Variants in DOCK8 observed in about 807,000 individuals in gnomAD.
The protein encoded by DOCK8 is dedicator of cytokinesis protein 8.
In DOCK8, 141 loss-of-function variants were observed where a neutral mutation model predicts 245.6. The ratio of observed to expected loss-of-function variants is 0.57; its 90% CI spans 0.50 to 0.66. The LOEUF (loss-of-function observed/expected upper bound fraction) is 0.66, where lower values mean the gene tolerates loss of function less well. Among genes scored for constraint, DOCK8 ranks in the 30% least tolerant of loss-of-function variants. The probability of loss-of-function intolerance (pLI) is 0.00; values close to 1 mark genes in which losing one functional copy is unlikely to be tolerated. For missense variants in DOCK8, 2,965 were observed against 2,603.4 expected (o/e 1.14, Z -3.02); for synonymous variants, 1,168 against 970.2 (o/e 1.20, Z -3.79).
At position 420,405 on chromosome 9, in the gene DOCK8, A is replaced by G. The variant is rs539908137; in HGVS notation, c.3845A>G (p.Tyr1282Cys). The G allele has an allele frequency of 1.2e-5, 20 of 1,614,136 alleles. No individual in the cohort carries two copies. In the East Asian group the frequency reaches 1.8e-4, roughly 14 times the overall value. Residue 1282 changes from tyrosine to cysteine, a missense_variant, in exon 31 of 48, where the codon TAT becomes TGT. Tyr to Cys is a radical substitution (Grantham distance 194). Around this residue, in one of 3 missense-constraint regions of DOCK8, gnomAD observed 2,825 missense variants for 2,453.5 expected, o/e 1.15. Coordinates refer to ENST00000432829, the MANE Select transcript of DOCK8 (RefSeq NM_203447.4). ...TSGIVLSSLP[Y>C]KQYNMLNADT... is the part of the protein sequence containing the mutation. ...CCCCAATCTGCCTCCCTTCAGCCCT[A>G]TAAGCAGTACAACATGCTGAACGCG... is the stretch of plus-strand genomic sequence containing the variant.
chr9:462,707 C>T (rs2057843930), intron 46 of DOCK8, among the ~76,000 whole-genome samples: 1 of 152,186 alleles, frequency 6.6e-6, no homozygotes, highest in African/African-American at 2.4e-5. Context: ...CCTGGTGTTC[C>T]CCTTTCTCTT....
At chr9:230,301 C>CTTT (rs200079221) in intron 1 of DOCK8, among the ~76,000 whole-genome samples, 1 of 151,188 alleles carries the variant, frequency 6.6e-6, no homozygotes, top group African/African-American at 2.4e-5. Context: ...TCCAGTCTAT[C>CTTT]GTTGGGCATT....
At chr9:400,577 T>A (rs140954591) in intron 26 of DOCK8, among the ~76,000 whole-genome samples, 301 of 39,832 alleles carry the variant, frequency 7.6e-3, no homozygotes, top group Middle Eastern at 0.014. Context: ...CACCACCACC[T>A]CCACCATCAC....
chr9:404,770 A>G, intron 26 of DOCK8, 148 bp from the exon 27 acceptor site: 1 of 826,240 alleles, frequency 1.2e-6, no homozygotes, highest in South Asian at 1.5e-5. Context: ...TCTGTAATGC[A>G]GAATTTACCA....
chr9:449,206 T>C (rs1049158108), intron 44 of DOCK8, among the ~76,000 whole-genome samples: 1 of 152,084 alleles, frequency 6.6e-6, no homozygotes, highest in Non-Finnish European at 1.5e-5. Flanking sequence ...CAAAATTATC[T>C]GGGTGTGGTG....
Position 214,944 on chromosome 9 carries a change from C to G in DOCK8, c.-33C>G. ...CCAGGCCCCCGCTTTCCGCACCCCG[C>G]GACCCTAGAAGCCACCGAACCGCCG... On this transcript the variant is annotated 5_prime_UTR_variant, in exon 1 of 48. Transcript: ENST00000432829. The G allele has an allele frequency of 6.2e-7, 1 of 1,604,302 alleles. No individual in the cohort carries two copies. The highest frequency in any genetic ancestry group is 8.5e-7 in the Non-Finnish European group (1 of 1,177,188).
intron 26 of DOCK8, among the ~76,000 whole-genome samples, chr9:403,010 C>T (rs1346704350): frequency 6.6e-6 from 1 of 152,208 alleles, no homozygotes; most frequent in Non-Finnish European, 1.5e-5. Context: ...CTTCCTCACC[C>T]TCCCGAGTAG....
chr9:248,155 G>A (rs1418824310), intron 1 of DOCK8, among the ~76,000 whole-genome samples: 1 of 152,218 alleles, frequency 6.6e-6, no homozygotes, highest in Non-Finnish European at 1.5e-5. Flanking sequence ...CATCTCTGAG[G>A]TGTCACCTGC....
intron 18 of DOCK8, among the ~76,000 whole-genome samples, chr9:373,509 C>T (rs1005266438): frequency 6.6e-6 from 1 of 152,194 alleles, no homozygotes; most frequent in Non-Finnish European, 1.5e-5. Context: ...ATAAGGTCCA[C>T]ACACTGATAT....
rs1242198707 is a variant in DOCK8, at chr9:422,224, C to A, written c.4241+89C>A. The stretch of plus-strand genomic sequence containing the variant: ...CTTGTATTACTGAAACAACTGCATC[C>A]TTCCAAGGGTTAGAAAATGAAACAT... On this transcript the variant is annotated intron_variant, in intron 33 of 47. Coordinates refer to ENST00000432829, the MANE Select transcript of DOCK8 (RefSeq NM_203447.4). 7.6e-6 allele frequency: 8 copies of A among 1,055,530 alleles called. No homozygotes were observed. In the Middle Eastern group the frequency reaches 1.0e-3, roughly 132 times the overall value. 65.4% of individuals were successfully genotyped at this position (1,055,530 alleles called of 1,614,324 possible).
chr9:236,249 G>T (rs1486776410), intron 1 of DOCK8, among the ~76,000 whole-genome samples: 1 of 152,136 alleles, frequency 6.6e-6, no homozygotes, highest in Non-Finnish European at 1.5e-5. Context: ...GAGACAGGAA[G>T]AAGAAAGGAG....
intron 29 of DOCK8, 74 bp downstream of exon 29, chr9:415,025 G>T (rs1029749861): frequency 6.4e-7 from 1 of 1,568,468 alleles, no homozygotes; most frequent in Non-Finnish European, 8.8e-7. Flanking sequence ...TGAGATCTCT[G>T]TCATTCGTTC....
chr9:340,971 C>A (rs1316098604), intron 14 of DOCK8, among the ~76,000 whole-genome samples: 1 of 152,170 alleles, frequency 6.6e-6, no homozygotes, highest in East Asian at 1.9e-4. Context: ...CCAAAATGTG[C>A]TAGTTGTCAA....
chr9:446,743 C>G, intron 44 of DOCK8, 137 bp downstream of exon 44: 1 of 782,232 alleles, frequency 1.3e-6, no homozygotes, highest in South Asian at 1.5e-5. Context: ...TATGGTTGTC[C>G]TTTCACTCTC....
chr9:287,897 G>A (rs1216357856), intron 3 of DOCK8, among the ~76,000 whole-genome samples: 1 of 152,112 alleles, frequency 6.6e-6, no homozygotes, highest in Non-Finnish European at 1.5e-5. Flanking sequence ...ACAGTAGCCA[G>A]TCACCGCAGC....
At chr9:387,959 T>C (rs1275070069) in intron 23 of DOCK8, among the ~76,000 whole-genome samples, 1 of 152,220 alleles carries the variant, frequency 6.6e-6, no homozygotes, top group Non-Finnish European at 1.5e-5. Context: ...GTTTCCTTAA[T>C]ACCTTAGCAG....
At chr9:363,942 T>C (rs899031186) in intron 14 of DOCK8, among the ~76,000 whole-genome samples, 1 of 152,208 alleles carries the variant, frequency 6.6e-6, no homozygotes, top group Non-Finnish European at 1.5e-5. Context: ...ACACAGTCCC[T>C]TTCATCCAGC....
At chr9:318,546 C>A (rs566246387) in intron 7 of DOCK8, among the ~76,000 whole-genome samples, 2 of 152,366 alleles carry the variant, frequency 1.3e-5, no homozygotes, top group East Asian at 1.9e-4. Context: ...CAAGTCTGCT[C>A]ACACAGCTAT....
chr9:356,616 A>G (rs1201015346), intron 14 of DOCK8, among the ~76,000 whole-genome samples: 1 of 151,826 alleles, frequency 6.6e-6, no homozygotes, highest in African/African-American at 2.4e-5. Context: ...CTAAGCATCC[A>G]GATCTTCCCC....
Sources: allele counts gnomAD v4.1 joint callset (sites outside exome capture counted in the v4.1 genomes callset), GRCh38; gene constraint gnomAD v4.1.1; regional missense constraint gnomAD v4.1.1; transcripts MANE v1.5; gene names NCBI Gene and HGNC (gene_info 2026-07-23, HGNC 2026-07-21).